BTRC: variants seen among roughly 807,000 people sequenced by gnomAD.
BTRC encodes the protein beta-transducin repeat containing E3 ubiquitin protein ligase.
BTRC carries 42 observed loss-of-function variants against 85.5 expected under a neutral mutation model. The ratio of observed to expected loss-of-function variants is 0.49; its 90% CI spans 0.38 to 0.64. The LOEUF is 0.64. BTRC is among the 30% of genes least tolerant of loss of function. BTRC has a pLI of 0.00. For missense variants in BTRC, 594 were observed against 743.5 expected, an observed-to-expected ratio of 0.80 and a Z score of 2.34; for synonymous variants, 255 against 263.3, an observed-to-expected ratio of 0.97 and a Z score of 0.30.
chr10:101,499,497 G>A (rs1184915238), intron 4 of BTRC, among the ~76,000 whole-genome samples: 3 of 151,998 alleles, frequency 2.0e-5, no homozygotes, highest in African/African-American at 7.3e-5. Flanking sequence ...CAAAGTGCTA[G>A]GATTACAGGT....
At chr10:101,457,443 C>G (rs1018047602) in intron 2 of BTRC, among the ~76,000 whole-genome samples, 2 of 152,152 alleles carry the variant, frequency 1.3e-5, no homozygotes, top group Non-Finnish European at 2.9e-5. Context: ...ACATCCTGGG[C>G]AGGACAGAGC....
chr10:101,495,658 C>G (rs1479375095), intron 4 of BTRC, among the ~76,000 whole-genome samples: 1 of 152,084 alleles, frequency 6.6e-6, no homozygotes, highest in East Asian at 1.9e-4. Flanking sequence ...ATTAGAAGTC[C>G]CTGTTTCCTT....
chr10:101,516,529 G>T (rs2062026249), intron 4 of BTRC, among the ~76,000 whole-genome samples: 1 of 152,142 alleles, frequency 6.6e-6, no homozygotes, highest in African/African-American at 2.4e-5. Context: ...GTTTTGAGGG[G>T]TGGTGACTAA....
chr10:101,416,200 T>G (rs903259582), intron 1 of BTRC, among the ~76,000 whole-genome samples: 33 of 152,198 alleles, frequency 2.2e-4, no homozygotes, highest in Admixed American at 2.0e-3. Flanking sequence ...CATCCTTTAT[T>G]AGGCTGAATA....
At chr10:101,438,951 G>C (rs1446068531) in intron 2 of BTRC, among the ~76,000 whole-genome samples, 1 of 152,138 alleles carries the variant, frequency 6.6e-6, no homozygotes, top group Non-Finnish European at 1.5e-5. Context: ...TTTACAGTGA[G>C]ATTATAAAAC....
At chr10:101,404,016 A>C in intron 1 of BTRC, among the ~76,000 whole-genome samples, 1 of 22,564 alleles carries the variant, frequency 4.4e-5, no homozygotes, top group South Asian at 1.8e-3. Flanking sequence ...ATATATATAT[A>C]TATATATATA....
chr10:101,464,345 G>A lies in BTRC; in HGVS notation c.234+2287G>A, dbSNP rs547287017. Among the ~76,000 whole-genome samples the A allele has an allele frequency of 3.3e-5, 5 of 152,190 alleles. No individual in the cohort carries two copies. In the East Asian group the frequency reaches 9.6e-4, roughly 29 times the overall value. On this transcript the variant is annotated intron_variant, in intron 3 of 14. Transcript: ENST00000370187. ...CCTATTAAGTCCAGCACATACAGATGGACCAGCAGGTCACACATGGGACTA... is the reference window on the plus strand; with the variant it reads ...CCTATTAAGTCCAGCACATACAGATAGACCAGCAGGTCACACATGGGACTA...
At chr10:101,391,008 G>C (rs1943224711) in intron 1 of BTRC, among the ~76,000 whole-genome samples, 1 of 152,130 alleles carries the variant, frequency 6.6e-6, no homozygotes, top group South Asian at 2.1e-4. Context: ...TTTTACTCTT[G>C]ATAATTAAAG....
intron 13 of BTRC, among the ~76,000 whole-genome samples, chr10:101,543,340 CT>C (rs1302291656): frequency 6.6e-6 from 1 of 151,838 alleles, no homozygotes; most frequent in Non-Finnish European, 1.5e-5. Context: ...AAACATTCTG[CT>C]TTTTTATGAT....
chr10:101,407,728 CTTT>C (rs60661364), intron 1 of BTRC, among the ~76,000 whole-genome samples: 1 of 138,320 alleles, frequency 7.2e-6, no homozygotes. Flanking sequence ...TTTTCTTTTT[CTTT>C]TTTTTTTTTT....
At chr10:101,509,686 G>GT (rs1368359565) in intron 4 of BTRC, among the ~76,000 whole-genome samples, 21 of 149,104 alleles carry the variant, frequency 1.4e-4, no homozygotes, top group Admixed American at 2.7e-4. Context: ...CCAAGTAACT[G>GT]AGACTACAGG....
chr10:101,390,111 A>G (rs562912739), intron 1 of BTRC, among the ~76,000 whole-genome samples: 18 of 152,284 alleles, frequency 1.2e-4, no homozygotes, highest in Middle Eastern at 6.8e-3. Flanking sequence ...AAAGCCCATG[A>G]TAGTAAAATT....
intron 3 of BTRC, among the ~76,000 whole-genome samples, chr10:101,474,755 T>A (rs1945631693): frequency 6.6e-6 from 1 of 152,190 alleles, no homozygotes; most frequent in South Asian, 2.1e-4. Flanking sequence ...GTGAGTGCCT[T>A]CAGGGGAAAA....
At chr10:101,532,266 A>G (rs2134411660) in intron 7 of BTRC, 29 bp from the exon 8 acceptor site, 1 of 1,595,602 alleles carries the variant, frequency 6.3e-7, no homozygotes, top group East Asian at 2.2e-5. Context: ...GTTTCCTAAC[A>G]CTGCCTCTTT....
chr10:101,458,042 C>G (rs563376715), intron 2 of BTRC, among the ~76,000 whole-genome samples: 65 of 152,162 alleles, frequency 4.3e-4, no homozygotes, highest in African/African-American at 1.5e-3. Flanking sequence ...TTCCATCCCC[C>G]CTAAATGTTT....
chr10:101,549,104 T>C (rs546116972), intron 13 of BTRC, among the ~76,000 whole-genome samples: 18 of 151,494 alleles, frequency 1.2e-4, no homozygotes, highest in African/African-American at 4.1e-4. Context: ...ATTATATTTA[T>C]ATGAAATTCA....
rs368671101 is a variant in BTRC at position 101,526,115 on chromosome 10, C to T, written c.659C>T (p.Ser220Phe). 29 of 1,614,054 alleles carry T rather than the reference C, an allele frequency of 1.8e-5. No homozygotes were observed. Among genetic ancestry groups the T allele is most frequent in the Non-Finnish European group, 2.3e-5 (27 of 1,180,046 alleles). Reference sequence around the variant, plus strand: ...TGCAAGGAATGGTACCGAGTGACCTCTGATGGCATGCTGTGGAAGAAGCTT... The same window carrying T: ...TGCAAGGAATGGTACCGAGTGACCTTTGATGGCATGCTGTGGAAGAAGCTT... ...LVCKEWYRVT[S>F]DGMLWKKLIE... is the part of the protein sequence containing the mutation. The change falls in exon 6 of 15, where the codon TCT becomes TTT. Residue 220 changes from serine to phenylalanine, a missense_variant. Coordinates refer to ENST00000370187, the MANE Select transcript of BTRC (RefSeq NM_033637.4).
At chr10:101,383,704 T>C (rs745438006) in intron 1 of BTRC, among the ~76,000 whole-genome samples, 42 of 152,286 alleles carry the variant, frequency 2.8e-4, no homozygotes, top group Non-Finnish European at 5.1e-4. Flanking sequence ...TTAATAGATA[T>C]GAGAATAATA....
chr10:101,414,591 A>G, intron 1 of BTRC: 1 of 511,010 alleles, frequency 2.0e-6, no homozygotes, highest in South Asian at 1.4e-5. Flanking sequence ...TTCAGGAGGT[A>G]TTCCAGAAAA....
Sources: allele counts gnomAD v4.1 joint callset (sites outside exome capture counted in the v4.1 genomes callset), GRCh38; gene constraint gnomAD v4.1.1; transcripts MANE v1.5; gene names NCBI Gene and HGNC (gene_info 2026-07-23, HGNC 2026-07-21).